The following R3HCC1L variants were observed in gnomAD, a reference collection of about 807,000 sequenced individuals.
R3HCC1L encodes the protein coiled-coil domain-containing protein R3HCC1L.
R3HCC1L carries 51 observed loss-of-function variants against 59.9 expected under a neutral mutation model. The observed-to-expected ratio is 0.85, with a 90% confidence interval of 0.68 to 1.07. R3HCC1L has a LOEUF of 1.07. Ranked by LOEUF, R3HCC1L falls within the 50% of genes least tolerant of loss-of-function variation. R3HCC1L has a pLI of 0.00. For missense variants in R3HCC1L, 965 were observed against 933.0 expected (o/e 1.03, Z -0.45); for synonymous variants, 322 against 315.2 (o/e 1.02, Z -0.23).
At chr10:98,136,015 C>T (rs1267462354) in intron 1 of R3HCC1L, among the ~76,000 whole-genome samples, 2 of 148,318 alleles carry the variant, frequency 1.3e-5, no homozygotes, top group Non-Finnish European at 3.0e-5. Flanking sequence ...ATTCTGCAAT[C>T]AGTTTTTTTT....
intron 1 of R3HCC1L, among the ~76,000 whole-genome samples, chr10:98,146,873 G>A (rs550643568): frequency 6.6e-6 from 1 of 152,262 alleles, no homozygotes; most frequent in East Asian, 1.9e-4. Flanking sequence ...TAACATGGAA[G>A]TGCAGATGTC....
chr10:98,153,193 T>C (rs112169852), intron 1 of R3HCC1L, among the ~76,000 whole-genome samples: 6 of 152,318 alleles, frequency 3.9e-5, no homozygotes, highest in African/African-American at 9.6e-5. Flanking sequence ...GGGGAGAAGA[T>C]AGAGAATTCA....
chr10:98,187,035 G>A (rs1361805455), intron 4 of R3HCC1L, among the ~76,000 whole-genome samples: 1 of 152,020 alleles, frequency 6.6e-6, no homozygotes, highest in Non-Finnish European at 1.5e-5. Context: ...TTGTTACAAA[G>A]GTTAAGTGAG....
intron 2 of R3HCC1L, 74 bp downstream of exon 2, chr10:98,156,221 A>G (rs909368512): frequency 7.9e-5 from 12 of 152,056 alleles, no homozygotes; most frequent in African/African-American, 2.9e-4. Context: ...GTTAGAACTC[A>G]TATCTTCTTC....
Position 98,231,363 on chromosome 10 carries a change from C to A in R3HCC1L, c.1786-149C>A, listed in dbSNP as rs1375212534. The A allele has an allele frequency of 5.7e-6, 4 of 703,368 alleles. No homozygotes were observed. The East Asian group carries it at 8.2e-5, about 14-fold the overall frequency. 43.6% of individuals were successfully genotyped at this position (703,368 alleles called of 1,614,324 possible). A position where few individuals can be genotyped will look rare whatever the true frequency, so the allele number is the denominator to read the frequency against. ...GATAAGCACCTGATCATTATTGTATCTGTGAGTAGAATTAATACAGAGACT... is the reference window on the plus strand; with the variant it reads ...GATAAGCACCTGATCATTATTGTATATGTGAGTAGAATTAATACAGAGACT... On this transcript the variant is annotated intron_variant, in intron 5 of 9. Coordinates refer to ENST00000298999, the MANE Select transcript of R3HCC1L (RefSeq NM_001351015.2).
intron 9 of R3HCC1L, among the ~76,000 whole-genome samples, chr10:98,242,331 A>G (rs540248835): frequency 6.6e-6 from 1 of 152,352 alleles, no homozygotes; most frequent in African/African-American, 2.4e-5. Flanking sequence ...CCTGGGTGAC[A>G]GAGCGAGACT....
rs548182643 is a variant in R3HCC1L, at chr10:98,142,674, C to G, written c.-268+7968C>G. 4.1e-4 allele frequency among the ~76,000 whole-genome samples: 62 copies of G among 151,722 alleles called. No homozygotes were observed. The South Asian group carries it at 0.013, about 31-fold the overall frequency. ...AGTAGGCCGGGTACGGTGGCTCATA[C>G]CTGTAATCTCAACACTTTGGGAGGC... On this transcript the variant is annotated intron_variant, in intron 1 of 9. Coordinates refer to ENST00000298999, the MANE Select transcript of R3HCC1L (RefSeq NM_001351015.2).
chr10:98,236,127 A>C lies in R3HCC1L; in HGVS notation c.2232A>C (p.Glu744Asp). ...TTCGAAGTAAGCAGAGCAAAACCGA[A>C]CGAGAAGCAGAGCTCAAGAAACTGC... is the stretch of plus-strand genomic sequence containing the variant. ...LGVRSKQSKT[E>D]REAELKKLQE... is the part of the protein sequence containing the mutation. The change falls in exon 9 of 10, where the codon GAA becomes GAC. Residue 744 changes from glutamate (E) to aspartate (D), a missense_variant. Transcript: ENST00000298999. The C allele has an allele frequency of 6.2e-7, 1 of 1,613,930 alleles. No individual in the cohort carries two copies. Among genetic ancestry groups the C allele is most frequent in the Non-Finnish European group, 8.5e-7 (1 of 1,179,884 alleles).
chr10:98,197,194 T>A (rs1851526489), intron 4 of R3HCC1L, among the ~76,000 whole-genome samples: 1 of 138,848 alleles, frequency 7.2e-6, no homozygotes, highest in Non-Finnish European at 1.6e-5. Flanking sequence ...GGATTACAGA[T>A]GCAAGCCACC....
In R3HCC1L at chr10:98,209,098, A is replaced by G. The variant is rs745768982; in HGVS notation, c.984A>G (p.Val328=). ...GCACAAATGACACTGTTAGTCCAGT[A>G]ATGATTAGAGAATGTGAGAAGAATG... ...SESTNDTVSP[V]MIRECEKNDS... is the part of the protein sequence containing the mutation. The change falls in exon 5 of 10, where the codon GTA becomes GTG. Residue 328 remains valine (V), a synonymous_variant. Coordinates refer to ENST00000298999, the MANE Select transcript of R3HCC1L (RefSeq NM_001351015.2). The G allele has an allele frequency of 1.2e-6, 2 of 1,614,110 alleles. No homozygotes were observed. Among genetic ancestry groups the G allele is most frequent in the Admixed American group, 1.7e-5 (1 of 60,016 alleles).
At position 98,208,732 on chromosome 10, in the gene R3HCC1L, A is replaced by T. The variant is rs775635333; in HGVS notation, c.618A>T (p.Arg206Ser). Residue 206 changes from arginine (R) to serine (S), a missense_variant, in exon 5 of 10, where the codon AGA becomes AGT. By Grantham distance (110) the Arg-to-Ser change is moderately radical. Coordinates refer to ENST00000298999, the MANE Select transcript of R3HCC1L (RefSeq NM_001351015.2). ...EAFEDKDLEG[R>S]IETDTKVLEI... ...TTGAAGACAAAGATTTGGAAGGCAG[A>T]ATTGAAACTGATACCAAGGTTTTGG... 9 of 1,614,122 alleles carry T rather than the reference A, an allele frequency of 5.6e-6. 1 individual carries two copies. The Admixed American group carries it at 1.3e-4, about 24-fold the overall frequency.
At position 98,208,534 on chromosome 10, in the gene R3HCC1L, T is replaced by C; in HGVS notation, c.420T>C (p.Phe140=). The change falls in exon 5 of 10, where the codon TTT becomes TTC. Residue 140 remains phenylalanine, a synonymous_variant. Transcript: ENST00000298999. ...VITNAPLQRH[F]KPKKVECLEV... ...CTAATGCACCTTTGCAGAGACATTT[T>C]AAACCAAAGAAGGTGGAGTGTTTGG... 6.2e-7 allele frequency: 1 copy of C among 1,614,146 alleles called. No individual in the cohort carries two copies. Among genetic ancestry groups the C allele is most frequent in the Non-Finnish European group, 8.5e-7 (1 of 1,180,006 alleles).
intron 2 of R3HCC1L, among the ~76,000 whole-genome samples, chr10:98,161,226 G>A (rs1256099468): frequency 1.3e-5 from 2 of 152,078 alleles, no homozygotes; most frequent in Non-Finnish European, 2.9e-5. Flanking sequence ...AACTTGATAG[G>A]TAAGAAATAG....
At chr10:98,193,490 TAAAG>T (rs1361907961) in intron 4 of R3HCC1L, among the ~76,000 whole-genome samples, 1 of 151,922 alleles carries the variant, frequency 6.6e-6, no homozygotes, top group Non-Finnish European at 1.5e-5. Context: ...ATTAAGGAAA[TAAAG>T]AAAATCTCAT....
intron 5 of R3HCC1L, among the ~76,000 whole-genome samples, chr10:98,229,025 C>T (rs1856023924): frequency 6.6e-6 from 1 of 152,048 alleles, no homozygotes; most frequent in Non-Finnish European, 1.5e-5. Flanking sequence ...TGTGATGCCT[C>T]CAGCTTTGTT....
chr10:98,196,709 G>A (rs1019631162), intron 4 of R3HCC1L, among the ~76,000 whole-genome samples: 1 of 152,150 alleles, frequency 6.6e-6, no homozygotes, highest in Non-Finnish European at 1.5e-5. Context: ...TAGACGTGCT[G>A]CAATAACTTC....
intron 4 of R3HCC1L, among the ~76,000 whole-genome samples, chr10:98,194,977 G>A (rs1221786042): frequency 1.3e-5 from 2 of 152,070 alleles, no homozygotes; most frequent in East Asian, 3.9e-4. Flanking sequence ...TATATATTCC[G>A]AGGGAATGAG....
chr10:98,166,266 T>C (rs891054629), intron 4 of R3HCC1L, among the ~76,000 whole-genome samples: 2 of 152,092 alleles, frequency 1.3e-5, no homozygotes, highest in African/African-American at 4.8e-5. Context: ...TACTGCAACC[T>C]GGAAGAGGGC....
chr10:98,162,118 T>C (rs1435713975), intron 2 of R3HCC1L, among the ~76,000 whole-genome samples: 1 of 152,110 alleles, frequency 6.6e-6, no homozygotes, highest in African/African-American at 2.4e-5. Context: ...TTTTTTCAGC[T>C]CAATAATATG....
Sources: allele counts gnomAD v4.1 joint callset (sites outside exome capture counted in the v4.1 genomes callset), GRCh38; gene constraint gnomAD v4.1.1; transcripts MANE v1.5; gene names NCBI Gene and HGNC (gene_info 2026-07-23, HGNC 2026-07-21).